Variants in CDK19 observed in about 807,000 individuals in gnomAD.
The protein encoded by CDK19 is cyclin-dependent kinase 19.
In CDK19, 20 loss-of-function variants were observed where a neutral mutation model predicts 68.3. The ratio of observed to expected loss-of-function variants is 0.29; its 90% confidence interval spans 0.21 to 0.43. The LOEUF (loss-of-function observed/expected upper bound fraction) is 0.43. Ranked by LOEUF, CDK19 falls within the 20% of genes least tolerant of loss-of-function variation. The pLI, the probability that CDK19 is intolerant of heterozygous loss-of-function variation, is 1.00. For missense variants in CDK19, 339 were observed against 623.5 expected (o/e 0.54, Z 4.86); for synonymous variants, 221 against 222.8 (o/e 0.99, Z 0.07).
intron 2 of CDK19, among the ~76,000 whole-genome samples, chr6:110,735,514 T>C (rs1390244031): frequency 2.6e-5 from 4 of 152,196 alleles, no homozygotes; most frequent in African/African-American, 9.6e-5. Flanking sequence ...CATGAAGTCA[T>C]AGTGAATCTA....
At chr6:110,773,035 G>C (rs1318654303) in intron 1 of CDK19, among the ~76,000 whole-genome samples, 1 of 150,410 alleles carries the variant, frequency 6.6e-6, no homozygotes, top group Non-Finnish European at 1.5e-5. Context: ...GGGCAACATG[G>C]GGAAACCCCG....
intron 1 of CDK19, among the ~76,000 whole-genome samples, chr6:110,780,394 A>G (rs1242401762): frequency 8.6e-5 from 13 of 151,578 alleles, no homozygotes; most frequent in African/African-American, 3.1e-4. Flanking sequence ...GTCTCAAAAA[A>G]AAAAAAAAAA....
intron 2 of CDK19, among the ~76,000 whole-genome samples, chr6:110,679,430 T>C (rs1202638711): frequency 6.6e-6 from 1 of 151,678 alleles, no homozygotes; most frequent in Non-Finnish European, 1.5e-5. Flanking sequence ...CTGGCCAACA[T>C]GGTGAAACAC....
rs375974386 is a variant in CDK19 at position 110,621,233 on chromosome 6, G to A, written c.1248C>T (p.Val416=). The change falls in exon 12 of 13, where the codon GTC becomes GTT. Residue 416 remains valine (V), a synonymous_variant. Coordinates refer to ENST00000368911, the MANE Select transcript of CDK19 (RefSeq NM_015076.5). This position sits in a 1 kb window ranked among gnomAD's most constrained non-coding sequence, Gnocchi z 5.4. ...GCTGCAACCCTGCTCCGGTGCCCCC[G>A]ACCCCGGCCCCAGCCCCACCTGCGG... ...NGTAGGAGAG[V]GGTGAGLQHS... The A allele has an allele frequency of 2.0e-5, 32 of 1,613,020 alleles. No homozygotes were observed. The highest frequency in any genetic ancestry group is 4.5e-5 in the East Asian group (2 of 44,886).
chr6:110,680,110 C>G (rs1771885294), intron 2 of CDK19, among the ~76,000 whole-genome samples: 1 of 152,046 alleles, frequency 6.6e-6, no homozygotes, highest in Admixed American at 6.6e-5. Flanking sequence ...AATAATTATT[C>G]CAGGGACGCT....
chr6:110,674,584 G>C (rs1037258865), intron 2 of CDK19, among the ~76,000 whole-genome samples: 1 of 152,196 alleles, frequency 6.6e-6, no homozygotes, highest in Non-Finnish European at 1.5e-5. Context: ...CTGGATAGAA[G>C]ATTAAACTAG....
chr6:110,708,694 C>CT (rs1313080969), intron 2 of CDK19, among the ~76,000 whole-genome samples: 1 of 152,118 alleles, frequency 6.6e-6, no homozygotes, highest in Non-Finnish European at 1.5e-5. Flanking sequence ...TGAGTGAAAA[C>CT]TTTTTTTAAT....
intron 2 of CDK19, among the ~76,000 whole-genome samples, chr6:110,690,957 T>C (rs1258466609): frequency 6.6e-6 from 1 of 152,104 alleles, no homozygotes; most frequent in Non-Finnish European, 1.5e-5. Flanking sequence ...ATTCTGGTAA[T>C]ATGATAAAAC....
At chr6:110,636,942 G>A (rs538193131) in intron 5 of CDK19, among the ~76,000 whole-genome samples, 25 of 152,334 alleles carry the variant, frequency 1.6e-4, no homozygotes, top group African/African-American at 5.8e-4. Flanking sequence ...TTTCACAGAG[G>A]CTTTCTCAAG....
At chr6:110,732,873 C>A (rs1776866614) in intron 2 of CDK19, among the ~76,000 whole-genome samples, 1 of 152,118 alleles carries the variant, frequency 6.6e-6, no homozygotes, top group Non-Finnish European at 1.5e-5. Context: ...TTGAGACCAG[C>A]ATGGCCAACA....
intron 1 of CDK19, among the ~76,000 whole-genome samples, chr6:110,798,030 T>C (rs962999136): frequency 6.7e-6 from 1 of 149,462 alleles, no homozygotes; most frequent in Non-Finnish European, 1.5e-5. Context: ...GAAATATATA[T>C]GGTTTGGATG....
chr6:110,744,272 G>A (rs945920139), intron 2 of CDK19, among the ~76,000 whole-genome samples: 39 of 151,922 alleles, frequency 2.6e-4, no homozygotes, highest in African/African-American at 9.2e-4. Flanking sequence ...GCCTCCCAAA[G>A]TGCTGGGATT....
Position 110,670,392 on chromosome 6 carries a change from T to C in CDK19, c.315+39A>G, listed in dbSNP as rs879504781. ...TTTATATAAATATGCTCCATACCTA[T>C]ATAAAACAATCCTAGAAATACAGTG... On this transcript the variant is annotated intron_variant, in intron 3 of 12. Coordinates refer to ENST00000368911, the MANE Select transcript of CDK19 (RefSeq NM_015076.5). 6.2e-6 allele frequency: 7 copies of C among 1,137,682 alleles called. No homozygotes were observed. The African/African-American group carries it at 7.6e-5, about 12-fold the overall frequency. The allele number at this position is 1,137,682 out of a possible 1,614,324, so 70.5% of individuals were successfully genotyped here. A position where few individuals can be genotyped will look rare whatever the true frequency, so the allele number is the denominator to read the frequency against.
At chr6:110,723,031 C>A (rs1430720338) in intron 2 of CDK19, among the ~76,000 whole-genome samples, 2 of 151,910 alleles carry the variant, frequency 1.3e-5, no homozygotes, top group Non-Finnish European at 2.9e-5. Context: ...CTTGTCAACT[C>A]CCTCAGCAAG....
intron 2 of CDK19, among the ~76,000 whole-genome samples, chr6:110,724,401 G>T (rs1351510928): frequency 1.3e-5 from 2 of 152,036 alleles, no homozygotes; most frequent in African/African-American, 4.8e-5. Context: ...TGGTAAGGGA[G>T]TATGACTGAC....
intron 1 of CDK19, among the ~76,000 whole-genome samples, chr6:110,769,558 C>T (rs1438247136): frequency 6.8e-6 from 1 of 146,088 alleles, no homozygotes; most frequent in African/African-American, 2.6e-5. Context: ...GAGCAAGATT[C>T]CATCTCAAAA....
rs538512308 is a variant in CDK19, at chr6:110,697,903, A to G, written c.205-27362T>C. Among the ~76,000 whole-genome samples, 152 of 152,314 alleles carry G rather than the reference A, an allele frequency of 1.0e-3. No homozygotes were observed. The Middle Eastern group carries it at 0.014, about 14-fold the overall frequency. On this transcript the variant is annotated intron_variant, in intron 2 of 12. Transcript: ENST00000368911. ...GATCTTCGACAAAGCAAACAAAAAT[A>G]TAAAGTGGGGAAAGGACACCCTATT...
intron 1 of CDK19, among the ~76,000 whole-genome samples, chr6:110,774,379 T>A (rs964714353): frequency 3.9e-5 from 6 of 152,186 alleles, no homozygotes; most frequent in Non-Finnish European, 8.8e-5. Context: ...CTATACACAC[T>A]GTTTTTTAAT....
At chr6:110,663,972 T>C (rs1426759124) in intron 4 of CDK19, among the ~76,000 whole-genome samples, 1 of 152,176 alleles carries the variant, frequency 6.6e-6, no homozygotes, top group African/African-American at 2.4e-5. Context: ...GTTCATGCCA[T>C]TGATGAGGTA....
Sources: allele counts gnomAD v4.1 joint callset (sites outside exome capture counted in the v4.1 genomes callset), GRCh38; gene constraint gnomAD v4.1.1; non-coding constraint Gnocchi (gnomAD v3.1); transcripts MANE v1.5; gene names NCBI Gene and HGNC (gene_info 2026-07-23, HGNC 2026-07-21).